Variants in KIAA0586 observed in about 807,000 individuals in gnomAD.
KIAA0586 encodes KIAA0586.
Under a neutral mutation model 169.8 loss-of-function variants are expected in KIAA0586, and 144 were observed. The ratio of observed to expected loss-of-function variants is 0.85; its 90% CI spans 0.74 to 0.97. KIAA0586 has a LOEUF of 0.97. Ranked by LOEUF, KIAA0586 falls within the 50% of genes least tolerant of loss-of-function variation. The pLI, the probability that KIAA0586 is intolerant of heterozygous loss-of-function variation, is 0.00. For missense variants in KIAA0586, 1,854 were observed against 1,823.0 expected (o/e 1.02, Z -0.31); for synonymous variants, 625 against 612.4 (o/e 1.02, Z -0.30).
intron 4 of KIAA0586, among the ~76,000 whole-genome samples, chr14:58,434,398 C>A (rs1384141326): frequency 6.6e-6 from 1 of 152,132 alleles, no homozygotes; most frequent in Non-Finnish European, 1.5e-5. Flanking sequence ...AAAGAGCAAT[C>A]TCCAAAAGCA....
chr14:58,487,233 G>A (rs1404829732), intron 22 of KIAA0586, 67 bp downstream of exon 22: 1 of 1,310,248 alleles, frequency 7.6e-7, no homozygotes, highest in Non-Finnish European at 1.1e-6. Flanking sequence ...ATTTGTATAT[G>A]TACTTGTTGC....
At chr14:58,447,675 T>C (rs2039016086) in intron 6 of KIAA0586, among the ~76,000 whole-genome samples, 1 of 151,936 alleles carries the variant, frequency 6.6e-6, no homozygotes, top group Non-Finnish European at 1.5e-5. Context: ...GAGACGGGGT[T>C]TCACCATGTT....
At chr14:58,438,416 C>G (rs144736716) in intron 4 of KIAA0586, among the ~76,000 whole-genome samples, 2 of 152,238 alleles carry the variant, frequency 1.3e-5, no homozygotes, top group Admixed American at 6.5e-5. Flanking sequence ...TTTTCATACT[C>G]TACCCCTCAA....
intron 14 of KIAA0586, 45 bp from the exon 15 acceptor site, chr14:58,465,790 A>T: frequency 1.6e-6 from 2 of 1,222,890 alleles, no homozygotes; most frequent in Non-Finnish European, 2.3e-6. Context: ...GATAGTAGAT[A>T]TTCTAACAAT....
chr14:58,453,367 G>T lies in KIAA0586; in HGVS notation c.1147G>T (p.Glu383Ter). Residue 383 changes from glutamate to a stop codon, truncating the protein, a stop_gained, in exon 9 of 31, where the codon GAA becomes TAA. Coordinates refer to ENST00000652326, the MANE Select transcript of KIAA0586 (RefSeq NM_001329943.3). LOFTEE classifies it high-confidence loss of function. ...TATTTCAGGAAATGTAAGACTATTGGAACAAATTTTGAATAATAATGATTC... is the reference window on the plus strand; with the variant it reads ...TATTTCAGGAAATGTAAGACTATTGTAACAAATTTTGAATAATAATGATTC... Reference protein sequence around the residue: ...SCHRGNVRLLEQILNNNDSLT... With the variant: ...SCHRGNVRLL 7.3e-7 allele frequency: 1 copy of T among 1,362,126 alleles called. No homozygotes were observed. Among genetic ancestry groups the T allele is most frequent in the South Asian group, 1.4e-5 (1 of 70,834 alleles). The allele number at this position is 1,362,126 out of a possible 1,614,324, so 84.4% of individuals were successfully genotyped here. A position where few individuals can be genotyped will look rare whatever the true frequency, so the allele number is the denominator to read the frequency against.
At chr14:58,469,444 G>A (rs2041029530) in intron 16 of KIAA0586, among the ~76,000 whole-genome samples, 2 of 152,284 alleles carry the variant, frequency 1.3e-5, no homozygotes, top group Admixed American at 1.3e-4. Context: ...CACTAACCCA[G>A]TGGTGCAGCA....
At chr14:58,442,615 C>A in intron 4 of KIAA0586, 91 bp from the exon 5 acceptor site, 1 of 980,796 alleles carries the variant, frequency 1.0e-6, no homozygotes, top group Non-Finnish European at 1.4e-6. Context: ...AAAATCAAAA[C>A]CACCTTCGGC....
intron 27 of KIAA0586, among the ~76,000 whole-genome samples, chr14:58,506,014 G>T (rs2141391056): frequency 6.6e-6 from 1 of 152,088 alleles, no homozygotes; most frequent in East Asian, 1.9e-4. Context: ...CTGTTATCCA[G>T]TCACATTACC....
chr14:58,549,620 T>C lies in KIAA0586; in HGVS notation c.*1688T>C, dbSNP rs1312081228. The C allele has an allele frequency of 6.6e-6, 1 of 152,248 alleles. No homozygotes were observed. Among genetic ancestry groups the C allele is most frequent in the Non-Finnish European group, 1.5e-5 (1 of 68,050 alleles). 9.4% of individuals were successfully genotyped at this position (152,248 alleles called of 1,614,324 possible). A position where few individuals can be genotyped will look rare whatever the true frequency, so the allele number is the denominator to read the frequency against. On this transcript the variant is annotated 3_prime_UTR_variant, in exon 31 of 31. Coordinates refer to ENST00000652326, the MANE Select transcript of KIAA0586 (RefSeq NM_001329943.3). ...TTTGATATGGCCCTTTGGACAGTTC[T>C]GCTTATAACAGTTTCCTTTAAACAA...
chr14:58,519,447 C>T (rs2045027187), intron 29 of KIAA0586, among the ~76,000 whole-genome samples: 1 of 152,132 alleles, frequency 6.6e-6, no homozygotes. Flanking sequence ...TGATAAGATT[C>T]TTGAAGGTTA....
In KIAA0586 at chr14:58,549,063, T is replaced by C. The variant is rs1436750339; in HGVS notation, c.*1131T>C. 6.6e-6 allele frequency: 1 copy of C among 152,090 alleles called. No homozygotes were observed. The allele number at this position is 152,090 out of a possible 1,614,324, so 9.4% of individuals were successfully genotyped here. ...TTATTATCTTGAGGGATTTCAGTACTGTATAGTAGAGGGCATAAGCACATG... is the reference window on the plus strand; with the variant it reads ...TTATTATCTTGAGGGATTTCAGTACCGTATAGTAGAGGGCATAAGCACATG... On this transcript the variant is annotated 3_prime_UTR_variant, in exon 31 of 31. Coordinates refer to ENST00000652326, the MANE Select transcript of KIAA0586 (RefSeq NM_001329943.3).
chr14:58,475,289 G>T (rs889266104), intron 19 of KIAA0586, among the ~76,000 whole-genome samples: 1 of 152,142 alleles, frequency 6.6e-6, no homozygotes, highest in African/African-American at 2.4e-5. Context: ...TGTAAACTGT[G>T]CATGTGAGGG....
At chr14:58,510,145 TGGA>T (rs2044286632) in intron 28 of KIAA0586, among the ~76,000 whole-genome samples, 1 of 152,102 alleles carries the variant, frequency 6.6e-6, no homozygotes, top group Admixed American at 6.5e-5. Context: ...CTGAGGCAGG[TGGA>T]TCACGAGGTC....
At chr14:58,529,650 T>A (rs1196969305) in intron 29 of KIAA0586, among the ~76,000 whole-genome samples, 2 of 152,164 alleles carry the variant, frequency 1.3e-5, no homozygotes, top group Non-Finnish European at 2.9e-5. Context: ...TCAGTAAAAT[T>A]CAACGCCCCT....
chr14:58,542,151 C>T (rs1270953361), intron 30 of KIAA0586, among the ~76,000 whole-genome samples: 1 of 151,968 alleles, frequency 6.6e-6, no homozygotes, highest in African/African-American at 2.4e-5. Flanking sequence ...AGTTCTAAAA[C>T]TGTGATTTAG....
intron 13 of KIAA0586, among the ~76,000 whole-genome samples, chr14:58,460,723 A>G (rs556584463): frequency 6.6e-6 from 1 of 152,140 alleles, no homozygotes; most frequent in South Asian, 2.1e-4. Flanking sequence ...AATGTGTTTA[A>G]ATGTTTCTTG....
chr14:58,438,138 TAAAGAA>T (rs968022402), intron 4 of KIAA0586, among the ~76,000 whole-genome samples: 6 of 152,132 alleles, frequency 3.9e-5, no homozygotes, highest in Non-Finnish European at 8.8e-5. Context: ...GGTTTAAGAA[TAAAGAA>T]AAACTGGCTA....
intron 12 of KIAA0586, among the ~76,000 whole-genome samples, chr14:58,459,615 TC>T (rs1294259743): frequency 6.6e-6 from 1 of 152,140 alleles, no homozygotes; most frequent in African/African-American, 2.4e-5. Context: ...TTCTATTATT[TC>T]CCATTCCCCA....
intron 4 of KIAA0586, chr14:58,439,997 T>C (rs2140501536): frequency 4.5e-6 from 1 of 224,324 alleles, no homozygotes; most frequent in South Asian, 5.0e-5. Context: ...ATTGCAAGTA[T>C]GTATCTATTT....
Sources: gnomAD v4.1 joint callset for allele counts (sites outside exome capture counted in the v4.1 genomes callset) on GRCh38, gnomAD v4.1.1 for gene constraint, MANE v1.5 for transcripts, NCBI Gene and HGNC (gene_info 2026-07-23, HGNC 2026-07-21) for gene names.